ARID4B: variants seen among roughly 807,000 people sequenced by gnomAD.
The protein encoded by ARID4B is AT-rich interactive domain-containing protein 4B.
ARID4B carries 26 observed loss-of-function variants against 147.5 expected under a neutral mutation model. The ratio of observed to expected loss-of-function variants is 0.18; its 90% CI spans 0.13 to 0.24. The LOEUF is 0.24. Among genes scored for constraint, ARID4B ranks in the 10% least tolerant of loss-of-function variants. The probability of loss-of-function intolerance (pLI) is 1.00; values close to 1 mark genes in which losing one functional copy is unlikely to be tolerated. For synonymous variants in ARID4B, 512 were observed against 507.9 expected (o/e 1.01, Z -0.11); for missense variants, 1,179 against 1,511.5 (o/e 0.78, Z 3.65).
intron 21 of ARID4B, chr1:235,176,852 T>C (rs771187384): frequency 4.2e-6 from 2 of 470,808 alleles, no homozygotes; most frequent in South Asian, 1.5e-5. Flanking sequence ...GGTCAGGCAG[T>C]GGAGGTGGCA....
intron 2 of ARID4B, among the ~76,000 whole-genome samples, chr1:235,292,022 T>C (rs2103213919): frequency 6.6e-6 from 1 of 152,334 alleles, no homozygotes; most frequent in East Asian, 1.9e-4. Flanking sequence ...ACTATATTCT[T>C]TTATAAGTAT....
At chr1:235,185,793 T>C (rs1289148177) in intron 19 of ARID4B, among the ~76,000 whole-genome samples, 2 of 152,228 alleles carry the variant, frequency 1.3e-5, no homozygotes, top group South Asian at 2.1e-4. Flanking sequence ...GCTTAAGGGG[T>C]TATAAGCCAT....
chr1:235,265,788 T>C (rs1670567608), intron 2 of ARID4B, among the ~76,000 whole-genome samples: 1 of 152,138 alleles, frequency 6.6e-6, no homozygotes, highest in Non-Finnish European at 1.5e-5. Context: ...GACCTTGGGC[T>C]AAGCCACTTA....
At chr1:235,317,850 T>C (rs957475862) in intron 2 of ARID4B, among the ~76,000 whole-genome samples, 1 of 152,216 alleles carries the variant, frequency 6.6e-6, no homozygotes, top group African/African-American at 2.4e-5. Flanking sequence ...ATTTTTTAAA[T>C]GTCCAACTCC....
At chr1:235,196,964 AC>A in intron 17 of ARID4B, among the ~76,000 whole-genome samples, 1 of 152,188 alleles carries the variant, frequency 6.6e-6, no homozygotes, top group East Asian at 1.9e-4. Context: ...TACCAGAAAA[AC>A]ATTACTCTGC....
At chr1:235,319,604 A>C (rs1674683707) in intron 2 of ARID4B, among the ~76,000 whole-genome samples, 1 of 152,164 alleles carries the variant, frequency 6.6e-6, no homozygotes, top group Non-Finnish European at 1.5e-5. Context: ...TGCTCAACTC[A>C]ATGTTCACTG....
At chr1:235,197,008 A>G (rs907856279) in intron 17 of ARID4B, among the ~76,000 whole-genome samples, 1 of 152,098 alleles carries the variant, frequency 6.6e-6, no homozygotes, top group Non-Finnish European at 1.5e-5. Context: ...TGCTCCCTAC[A>G]TGTACAGACA....
intron 7 of ARID4B, among the ~76,000 whole-genome samples, chr1:235,245,420 T>A (rs1669238156): frequency 6.6e-6 from 1 of 152,184 alleles, no homozygotes; most frequent in Admixed American, 6.5e-5. Flanking sequence ...AATTCATTTT[T>A]AAATTTATTT....
At chr1:235,223,690 T>G (rs1017642345) in intron 12 of ARID4B, among the ~76,000 whole-genome samples, 4 of 150,048 alleles carry the variant, frequency 2.7e-5, no homozygotes, top group African/African-American at 9.7e-5. Flanking sequence ...GCTACATTTT[T>G]TTTTTTTTTT....
intron 7 of ARID4B, among the ~76,000 whole-genome samples, chr1:235,245,569 A>G (rs550432156): frequency 7.9e-5 from 12 of 152,270 alleles, no homozygotes; most frequent in African/African-American, 2.9e-4. Flanking sequence ...GAAATTTTTT[A>G]AAGTTCGAAT....
chr1:235,299,976 T>C (rs904990971), intron 2 of ARID4B, among the ~76,000 whole-genome samples: 6 of 152,120 alleles, frequency 3.9e-5, no homozygotes, highest in African/African-American at 7.2e-5. Context: ...TCCAAATGGG[T>C]TCCTGAAACA....
At chr1:235,245,757 CTATAAACACTTAAAGGA>C in intron 7 of ARID4B, among the ~76,000 whole-genome samples, 1 of 152,152 alleles carries the variant, frequency 6.6e-6, no homozygotes, top group African/African-American at 2.4e-5. Context: ...AACATTTACT[CTATAAACACTTAAAGGA>C]TATGAATTCA....
intron 6 of ARID4B, among the ~76,000 whole-genome samples, chr1:235,249,938 CAAA>C (rs527488457): frequency 6.5e-5 from 6 of 92,702 alleles, no homozygotes; most frequent in Non-Finnish European, 4.5e-5. Context: ...GACTCCATCT[CAAA>C]AAAAAAAAAA....
intron 2 of ARID4B, among the ~76,000 whole-genome samples, chr1:235,262,345 A>T (rs1045862239): frequency 5.9e-5 from 9 of 152,328 alleles, no homozygotes; most frequent in African/African-American, 1.7e-4. Context: ...ATAAAAAGTA[A>T]ACTCAAAACA....
intron 7 of ARID4B, among the ~76,000 whole-genome samples, chr1:235,241,802 C>T (rs1669000560): frequency 6.7e-6 from 1 of 149,954 alleles, no homozygotes; most frequent in East Asian, 1.9e-4. Context: ...AGGCGTGAGC[C>T]ACCCCACCTG....
chr1:235,309,468 A>C, intron 2 of ARID4B, among the ~76,000 whole-genome samples: 1 of 100,850 alleles, frequency 9.9e-6, no homozygotes, highest in East Asian at 3.1e-4. Context: ...TCCGGGAGGT[A>C]AGGGGCGCCT....
chr1:235,224,051 CAG>C (rs1667674279), intron 12 of ARID4B, among the ~76,000 whole-genome samples: 1 of 152,110 alleles, frequency 6.6e-6, no homozygotes, highest in Non-Finnish European at 1.5e-5. Context: ...ACATGACAAA[CAG>C]AGTCAGTTTC....
At chr1:235,291,345 T>C (rs577489262) in intron 2 of ARID4B, among the ~76,000 whole-genome samples, 2 of 151,988 alleles carry the variant, frequency 1.3e-5, no homozygotes, top group Non-Finnish European at 2.9e-5. Context: ...GAGGCAGAGG[T>C]TGCGGTGAGC....
intron 22 of ARID4B, among the ~76,000 whole-genome samples, chr1:235,174,981 C>T (rs996268254): frequency 2.0e-5 from 3 of 152,094 alleles, no homozygotes; most frequent in African/African-American, 7.2e-5. Flanking sequence ...TGGCGCGTGC[C>T]TGTAATCCCA....
Sources: gnomAD v4.1 joint callset for allele counts (sites outside exome capture counted in the v4.1 genomes callset) on GRCh38, gnomAD v4.1.1 for gene constraint, MANE v1.5 for transcripts, NCBI Gene and HGNC (gene_info 2026-07-23, HGNC 2026-07-21) for gene names.